The following CLPB variants were observed in gnomAD, a reference collection of about 807,000 sequenced individuals.
CLPB encodes the protein mitochondrial disaggregase.
CLPB carries 40 observed loss-of-function variants against 78.4 expected under a neutral mutation model. That is an observed-to-expected ratio of 0.51 (90% confidence interval 0.40 to 0.66). The LOEUF (loss-of-function observed/expected upper bound fraction) is 0.66. Among genes scored for constraint, CLPB ranks in the 30% least tolerant of loss-of-function variants. The probability of loss-of-function intolerance (pLI) is 0.00; values close to 1 mark genes in which losing one functional copy is unlikely to be tolerated. For missense variants in CLPB, 780 were observed against 886.9 expected, an observed-to-expected ratio of 0.88 and a Z score of 1.53; for synonymous variants, 333 against 348.0, an observed-to-expected ratio of 0.96 and a Z score of 0.48.
chr11:72,407,998 GC>G, intron 2 of CLPB: 1 of 817,396 alleles, frequency 1.2e-6, no homozygotes. Flanking sequence ...ATCTGGCTAA[GC>G]TTTGTCTCTT....
intron 3 of CLPB, among the ~76,000 whole-genome samples, chr11:72,402,268 C>A (rs996558850): frequency 2.4e-4 from 36 of 151,094 alleles, no homozygotes; most frequent in Non-Finnish European, 3.1e-4. Context: ...CTCAAAAAAA[C>A]CCCAAAACCC....
At chr11:72,373,383 A>G (rs1256343457) in intron 4 of CLPB, among the ~76,000 whole-genome samples, 1 of 152,092 alleles carries the variant, frequency 6.6e-6, no homozygotes, top group Non-Finnish European at 1.5e-5. Flanking sequence ...TGTTACCACT[A>G]ATTTATTACC....
chr11:72,319,962 C>A (rs1465465581), intron 6 of CLPB, among the ~76,000 whole-genome samples: 1 of 152,222 alleles, frequency 6.6e-6, no homozygotes, highest in Non-Finnish European at 1.5e-5. Context: ...CTGGCTCAAG[C>A]CGAAGCCATG....
intron 5 of CLPB, among the ~76,000 whole-genome samples, chr11:72,344,618 C>T (rs1372711651): frequency 1.3e-5 from 2 of 152,086 alleles, no homozygotes; most frequent in Non-Finnish European, 2.9e-5. Context: ...AGCCCGAGTC[C>T]TCAGCCCTTA....
rs780426845 is a variant in CLPB at position 72,434,454 on chromosome 11, C to A, written c.21G>T (p.Leu7Phe). The change falls in exon 1 of 16, where the codon TTG becomes TTT. Residue 7 changes from leucine to phenylalanine, a missense_variant. Physicochemically the swap from Leu to Phe is conservative, Grantham distance 22. Around this residue, in one of 3 missense-constraint regions of CLPB, gnomAD observed 417 missense variants for 414.7 expected, o/e 1.01. Transcript: ENST00000538039. MLGSLVLRRKALAPRLL... is the reference protein window; with the variant it reads MLGSLVFRRKALAPRLL... ...GCCGTGGCGCCAGTGCTTTTCTCCT[C>A]AACACCAGGGACCCCAGCATCTTGA... The A allele has an allele frequency of 2.6e-6, 4 of 1,559,778 alleles. No individual in the cohort carries two copies. The highest frequency in any genetic ancestry group is 2.3e-5 in the East Asian group (1 of 44,232).
Position 72,434,189 on chromosome 11 carries a change from C to A in CLPB, c.286G>T (p.Glu96Ter). Residue 96 changes from glutamate (E) to a stop codon, truncating the protein, a stop_gained, in exon 1 of 16, where the codon GAA (glutamate) becomes TAA (stop). Coordinates refer to ENST00000538039, the MANE Select transcript of CLPB (RefSeq NM_001258392.3). LOFTEE classifies it high-confidence loss of function. ...ATWGRLPGPE[E>*]TLPGQDSWNG... is the part of the protein sequence containing the mutation. ...CAGCTGTCCTGTCCTGGGAGTGTTT[C>A]TTCGGGACCAGGAAGGCGTCCCCAA... is the stretch of plus-strand genomic sequence containing the variant. 6.2e-7 allele frequency: 1 copy of A among 1,613,518 alleles called. No homozygotes were observed. Among genetic ancestry groups the A allele is most frequent in the Non-Finnish European group, 8.5e-7 (1 of 1,180,006 alleles).
At chr11:72,413,683 C>A (rs1855942262) in intron 2 of CLPB, among the ~76,000 whole-genome samples, 1 of 152,210 alleles carries the variant, frequency 6.6e-6, no homozygotes, top group South Asian at 2.1e-4. Context: ...GGACCAAACA[C>A]TGCATATGTT....
intron 2 of CLPB, among the ~76,000 whole-genome samples, chr11:72,407,402 C>T (rs190491676): frequency 3.3e-5 from 5 of 152,324 alleles, no homozygotes; most frequent in Middle Eastern, 3.4e-3. Context: ...TTTTATCTTG[C>T]ATGTCTCTGA....
intron 4 of CLPB, among the ~76,000 whole-genome samples, chr11:72,369,285 C>T (rs547298306): frequency 6.1e-4 from 93 of 152,278 alleles, no homozygotes; most frequent in African/African-American, 2.2e-3. Flanking sequence ...TATCTACAGA[C>T]CCATCAAAAC....
Position 72,317,154 on chromosome 11 carries a change from T to C in CLPB, c.940A>G (p.Lys314Glu), listed in dbSNP as rs1408611761. 6.2e-7 allele frequency: 1 copy of C among 1,612,448 alleles called. No individual in the cohort carries two copies. Residue 314 changes from lysine (K) to glutamate (E), a missense_variant, in exon 7 of 16, where the codon AAG becomes GAG. By Grantham distance (56) the Lys-to-Glu change is moderately conservative. Coordinates refer to ENST00000538039, the MANE Select transcript of CLPB (RefSeq NM_001258392.3). The part of the protein sequence containing the change: ...RRRFPLEQRL[K>E]EHIIGQESAI... ...CTCTCCTGGCCAATGATGTGCTCCTTTAGTCGCTGCTCCAGGGGGAAGCGG... is the reference window on the plus strand; with the variant it reads ...CTCTCCTGGCCAATGATGTGCTCCTCTAGTCGCTGCTCCAGGGGGAAGCGG...
At chr11:72,342,251 G>C (rs1028775100) in intron 5 of CLPB, among the ~76,000 whole-genome samples, 1 of 152,172 alleles carries the variant, frequency 6.6e-6, no homozygotes, top group African/African-American at 2.4e-5. Context: ...AAAATAGGTA[G>C]ATCAGTGTGG....
chr11:72,375,848 C>A (rs1400415143), intron 4 of CLPB, among the ~76,000 whole-genome samples: 1 of 152,210 alleles, frequency 6.6e-6, no homozygotes, highest in Non-Finnish European at 1.5e-5. Flanking sequence ...AACTGTAGAG[C>A]ACTTTACAAT....
At chr11:72,319,456 T>C (rs899024477) in intron 6 of CLPB, among the ~76,000 whole-genome samples, 1 of 152,244 alleles carries the variant, frequency 6.6e-6, no homozygotes, top group African/African-American at 2.4e-5. Context: ...TCTGCTTTAA[T>C]TCTTTCAGCT....
At chr11:72,432,324 T>C (rs1200799883) in intron 1 of CLPB, among the ~76,000 whole-genome samples, 3 of 152,196 alleles carry the variant, frequency 2.0e-5, no homozygotes, top group East Asian at 3.8e-4. Context: ...AAGTTGCTAG[T>C]ATAACCTGAA....
In CLPB at chr11:72,317,092, T is replaced by A. The variant is rs2135527417; in HGVS notation, c.988+14A>T. The A allele has an allele frequency of 6.3e-7, 1 of 1,586,494 alleles. No individual in the cohort carries two copies. The highest frequency in any genetic ancestry group is 8.6e-7 in the Non-Finnish European group (1 of 1,162,652). ...GGGCACCACTCTGCCCTTTCTGGTGTCCCACACACTCACCAGCACCCACTG... is the reference window on the plus strand; with the variant it reads ...GGGCACCACTCTGCCCTTTCTGGTGACCCACACACTCACCAGCACCCACTG... On this transcript the variant is annotated intron_variant, in intron 7 of 15. Coordinates refer to ENST00000538039, the MANE Select transcript of CLPB (RefSeq NM_001258392.3).
At chr11:72,295,730 C>A in intron 11 of CLPB, 82 bp from the exon 12 acceptor site, 2 of 1,376,614 alleles carry the variant, frequency 1.5e-6, no homozygotes, top group Non-Finnish European at 2.0e-6. Flanking sequence ...TCACCTCCTT[C>A]AGGAGGCCTC....
At chr11:72,351,139 T>C (rs372157098) in intron 5 of CLPB, among the ~76,000 whole-genome samples, 1 of 152,222 alleles carries the variant, frequency 6.6e-6, no homozygotes, top group Non-Finnish European at 1.5e-5. Context: ...AGAAGGGCCA[T>C]GATTTTATAG....
chr11:72,298,268 G>T (rs1465986530), intron 11 of CLPB, among the ~76,000 whole-genome samples: 1 of 152,132 alleles, frequency 6.6e-6, no homozygotes, highest in Non-Finnish European at 1.5e-5. Context: ...CTGGGTAGGG[G>T]TGAGGCTGCT....
Position 72,403,012 on chromosome 11 carries a change from G to C in CLPB, c.496C>G (p.Leu166Val). 6.2e-7 allele frequency: 1 copy of C among 1,613,784 alleles called. No individual in the cohort carries two copies. Among genetic ancestry groups the C allele is most frequent in the Non-Finnish European group, 8.5e-7 (1 of 1,180,040 alleles). ...EGADVNAKHR[L>V]GWTALMVAAI... ...GCCACCATGAGTGCTGTCCAGCCAA[G>C]TCTGTGCTTTGCATTGACATCTGCA... is the stretch of plus-strand genomic sequence containing the variant. Residue 166 changes from leucine to valine, a missense_variant, in exon 3 of 16, where the codon CTT (leucine) becomes GTT (valine). By Grantham distance (32) the Leu-to-Val change is conservative. Transcript: ENST00000538039.
Sources: gnomAD v4.1 joint callset for allele counts (sites outside exome capture counted in the v4.1 genomes callset) on GRCh38, gnomAD v4.1.1 for gene constraint, gnomAD v4.1.1 regional missense constraint, MANE v1.5 for transcripts, NCBI Gene and HGNC (gene_info 2026-07-23, HGNC 2026-07-21) for gene names.